The following ANOS1 variants were observed in gnomAD, a reference collection of about 807,000 sequenced individuals.
The protein encoded by ANOS1 is anosmin 1.
Under a neutral mutation model 59.0 loss-of-function variants are expected in ANOS1, and 6 were observed. The ratio of observed to expected loss-of-function variants is 0.10; its 90% CI spans 0.06 to 0.20. ANOS1 has a LOEUF of 0.20. Ranked by LOEUF, ANOS1 falls within the 10% of genes least tolerant of loss-of-function variation. The pLI, the probability that ANOS1 is intolerant of heterozygous loss-of-function variation, is 1.00. For synonymous variants in ANOS1, 217 were observed against 223.4 expected (o/e 0.97, Z 0.25); for missense variants, 433 against 542.3 (o/e 0.80, Z 2.00).
Position 8,597,192 on chromosome X carries a change from A to G in ANOS1, c.383T>C (p.Leu128Ser), listed in dbSNP as rs147475357. ...TSCEFLKYIL[L>S]VKQGDCPAPE... Reference sequence around the variant, plus strand: ...AGCCGGACAGTCCCCCTGCTTCACCAACAGGATGTATTTGAGGAACTCACA... The same window carrying G: ...AGCCGGACAGTCCCCCTGCTTCACCGACAGGATGTATTTGAGGAACTCACA... Residue 128 changes from leucine to serine, a missense_variant, in exon 4 of 14, where the codon TTG (leucine) becomes TCG (serine). Transcript: ENST00000262648. 1.1e-5 allele frequency: 13 copies of G among 1,210,079 alleles called. No individual in the cohort carries two copies. In the African/African-American group the frequency reaches 1.6e-4, roughly 15 times the overall value.
intron 3 of ANOS1, among the ~76,000 whole-genome samples, chrX:8,602,052 G>A (rs1930852652): frequency 8.9e-6 from 1 of 112,041 alleles, no homozygotes; most frequent in South Asian, 3.7e-4. Context: ...TTAGAGCAGT[G>A]TGGATTTGGT....
chrX:8,560,893 G>C (rs1930021166), intron 8 of ANOS1, among the ~76,000 whole-genome samples: 1 of 112,524 alleles, frequency 8.9e-6, no homozygotes, highest in African/African-American at 3.2e-5. Context: ...TCTGCCCTTT[G>C]ATGCAAGACT....
intron 2 of ANOS1, among the ~76,000 whole-genome samples, chrX:8,672,130 A>T (rs1036902620): frequency 4.5e-5 from 5 of 110,755 alleles, no homozygotes; most frequent in Admixed American, 9.6e-5. Context: ...ACAGTAGTAG[A>T]CTGATGACTG....
At chrX:8,695,479 T>A (rs918501469) in intron 2 of ANOS1, among the ~76,000 whole-genome samples, 24 of 111,640 alleles carry the variant, frequency 2.1e-4, no homozygotes, top group African/African-American at 7.8e-4. Flanking sequence ...AAAATCACCT[T>A]AACGGAGGAA....
At chrX:8,727,018 T>C (rs770969504) in intron 1 of ANOS1, among the ~76,000 whole-genome samples, 11 of 112,438 alleles carry the variant, frequency 9.8e-5, no homozygotes, top group African/African-American at 3.5e-4. Flanking sequence ...ATCTTTGACA[T>C]ACAAACAAAG....
chrX:8,596,904 T>TATAAA (rs1317100420), intron 4 of ANOS1, 130 bp downstream of exon 4: 1 of 1,028,384 alleles, frequency 9.7e-7, no homozygotes, highest in African/African-American at 1.9e-5. Flanking sequence ...CTGTATGTGG[T>TATAAA]ATAAAATAAA....
At chrX:8,611,836 G>T (rs1931063801) in intron 3 of ANOS1, among the ~76,000 whole-genome samples, 1 of 111,591 alleles carries the variant, frequency 9.0e-6, no homozygotes, top group African/African-American at 3.2e-5. Context: ...AATGTTAAAA[G>T]CAAAAGGAAA....
chrX:8,725,195 T>TC (rs1932901877), intron 1 of ANOS1, among the ~76,000 whole-genome samples: 1 of 110,622 alleles, frequency 9.0e-6, no homozygotes, highest in East Asian at 2.8e-4. Flanking sequence ...AAACCTCTCT[T>TC]CCCCCCAAAA....
intron 3 of ANOS1, among the ~76,000 whole-genome samples, chrX:8,619,327 C>T (rs759031707): frequency 1.3e-3 from 143 of 111,277 alleles, no homozygotes; most frequent in African/African-American, 9.1e-4. Flanking sequence ...ATTTATTGGC[C>T]GGGCAAGGTG....
intron 9 of ANOS1, among the ~76,000 whole-genome samples, chrX:8,545,079 AAAAAG>A (rs1336846572): frequency 2.9e-5 from 3 of 103,684 alleles, no homozygotes; most frequent in African/African-American, 1.0e-4. Flanking sequence ...AAAAAAAAAA[AAAAAG>A]AAAAGAAGAG....
At chrX:8,562,435 G>C (rs116671553) in intron 8 of ANOS1, among the ~76,000 whole-genome samples, 1 of 100,932 alleles carries the variant, frequency 9.9e-6, no homozygotes, top group South Asian at 4.8e-4. Flanking sequence ...GACTTTATAA[G>C]AATGTCTCCT....
chrX:8,652,689 T>C (rs911185211), intron 2 of ANOS1, among the ~76,000 whole-genome samples: 2 of 111,307 alleles, frequency 1.8e-5, no homozygotes, highest in Non-Finnish European at 3.8e-5. Context: ...AGGAGTTTCA[T>C]AGAGCTCTTC....
chrX:8,642,826 C>G (rs1231562006), intron 2 of ANOS1, among the ~76,000 whole-genome samples: 1 of 111,452 alleles, frequency 9.0e-6, no homozygotes, highest in Non-Finnish European at 1.9e-5. Flanking sequence ...AAAAATGCAT[C>G]CATGGGCACC....
chrX:8,534,614 T>G (rs756536984), intron 12 of ANOS1, among the ~76,000 whole-genome samples, 154 bp from the exon 13 acceptor site: 2 of 111,873 alleles, frequency 1.8e-5, no homozygotes, highest in African/African-American at 3.3e-5. Context: ...ATTTATAGAC[T>G]ATTTCTCATT....
chrX:8,705,083 T>C (rs1315848339), intron 1 of ANOS1, among the ~76,000 whole-genome samples: 1 of 111,579 alleles, frequency 9.0e-6, no homozygotes, highest in African/African-American at 3.3e-5. Context: ...GAGTGGGCAA[T>C]GGTATTGGTA....
intron 4 of ANOS1, among the ~76,000 whole-genome samples, chrX:8,591,980 C>T (rs753905298): frequency 4.3e-4 from 48 of 112,479 alleles, no homozygotes; most frequent in South Asian, 7.3e-4. Flanking sequence ...CAATATGTGA[C>T]GTCCAGTTTT....
At chrX:8,611,607 T>C (rs1164336715) in intron 3 of ANOS1, among the ~76,000 whole-genome samples, 1 of 111,010 alleles carries the variant, frequency 9.0e-6, no homozygotes, top group Admixed American at 9.6e-5. Context: ...AATTAAAAGA[T>C]ACTTTATATA....
chrX:8,575,704 T>C (rs1163647024), intron 6 of ANOS1, among the ~76,000 whole-genome samples: 2 of 111,896 alleles, frequency 1.8e-5, no homozygotes, highest in Non-Finnish European at 3.8e-5. Context: ...TTTACATTTT[T>C]CTCAAAAGGA....
At position 8,530,763 on chromosome X, in the gene ANOS1, CA is replaced by C. The variant is rs1253994268; in HGVS notation, c.*2231del. On this transcript the variant is annotated 3_prime_UTR_variant, in exon 14 of 14. Transcript: ENST00000262648. ...TATTTTGTATCTATGCAGAGACTCC[CA>C]GCATTTTTAACTATGCAACAGTACA... The C allele has an allele frequency of 9.1e-6, 1 of 110,177 alleles. No individual in the cohort carries two copies. The highest frequency in any genetic ancestry group is 1.9e-5 in the Non-Finnish European group (1 of 52,793). 9.1% of individuals were successfully genotyped at this position (110,177 alleles called of 1,213,427 possible). A position where few individuals can be genotyped will look rare whatever the true frequency, so the allele number is the denominator to read the frequency against.
Sources: allele counts gnomAD v4.1 joint callset (sites outside exome capture counted in the v4.1 genomes callset), GRCh38; gene constraint gnomAD v4.1.1; transcripts MANE v1.5; gene names NCBI Gene and HGNC (gene_info 2026-07-23, HGNC 2026-07-21).